Variants in PALLD observed in about 807,000 individuals in gnomAD.
PALLD encodes palladin, cytoskeletal associated protein.
Under a neutral mutation model 123.5 loss-of-function variants are expected in PALLD, and 61 were observed. The ratio of observed to expected loss-of-function variants is 0.49; its 90% confidence interval spans 0.40 to 0.61. The LOEUF (loss-of-function observed/expected upper bound fraction) is 0.61, where lower values mean the gene tolerates loss of function less well. Among genes scored for constraint, PALLD ranks in the 20% least tolerant of loss-of-function variants. PALLD has a pLI of 0.00. For missense variants in PALLD, 1,273 were observed against 1,377.0 expected (o/e 0.92, Z 1.20); for synonymous variants, 465 against 496.4 (o/e 0.94, Z 0.84).
intron 2 of PALLD, among the ~76,000 whole-genome samples, chr4:168,651,350 C>G (rs2149917243): frequency 6.6e-6 from 1 of 151,548 alleles, no homozygotes; most frequent in Non-Finnish European, 1.5e-5. Flanking sequence ...AAGGTTAGCT[C>G]TTTTTTTTTC....
chr4:168,557,295 C>G (rs1767419390), intron 2 of PALLD, among the ~76,000 whole-genome samples: 2 of 152,252 alleles, frequency 1.3e-5, no homozygotes, highest in African/African-American at 4.8e-5. Flanking sequence ...CTGCCCATCT[C>G]AGCCTCCCAA....
intron 10 of PALLD, among the ~76,000 whole-genome samples, chr4:168,724,424 A>G (rs1283828771): frequency 2.0e-5 from 3 of 152,228 alleles, no homozygotes; most frequent in African/African-American, 7.2e-5. Flanking sequence ...GGTTTCTATT[A>G]CAAGTATGAA....
chr4:168,783,609 A>G (rs1226469298), intron 10 of PALLD, among the ~76,000 whole-genome samples: 1 of 152,230 alleles, frequency 6.6e-6, no homozygotes, highest in African/African-American at 2.4e-5. Flanking sequence ...ACCTTCATCC[A>G]TAAGATACGG....
chr4:168,757,647 A>C (rs1312385166), intron 10 of PALLD, among the ~76,000 whole-genome samples: 2 of 152,254 alleles, frequency 1.3e-5, no homozygotes, highest in East Asian at 3.8e-4. Flanking sequence ...GGGCCACAAC[A>C]GTGAGGTATG....
intron 2 of PALLD, among the ~76,000 whole-genome samples, chr4:168,555,252 G>A (rs1307319355): frequency 1.3e-5 from 2 of 152,182 alleles, no homozygotes; most frequent in Non-Finnish European, 2.9e-5. Context: ...GCAGGTATCT[G>A]TCAAGGCTGA....
chr4:168,681,540 ATTTTTTTTTT>A, intron 4 of PALLD, 142 bp downstream of exon 4: 5 of 338,958 alleles, frequency 1.5e-5, no homozygotes, highest in East Asian at 1.3e-4. Context: ...TTGGAACACA[ATTTTTTTTTT>A]TTTTTTTTTT....
At chr4:168,847,562 T>C (rs181882630) in intron 10 of PALLD, among the ~76,000 whole-genome samples, 101 of 152,372 alleles carry the variant, frequency 6.6e-4, no homozygotes, top group Non-Finnish European at 1.1e-3. Context: ...AGCACCAAGA[T>C]TTTATTGGTG....
intron 10 of PALLD, among the ~76,000 whole-genome samples, chr4:168,882,959 G>A (rs140324950): frequency 0.017 from 2,642 of 152,152 alleles, 62 homozygotes; most frequent in African/African-American, 0.044. Context: ...GCATGGTGGT[G>A]TGCACCTGTA....
In PALLD at chr4:168,890,842, G is replaced by A. The variant is rs1045137468; in HGVS notation, c.1965-80G>A. 20 of 1,436,326 alleles carry A rather than the reference G, an allele frequency of 1.4e-5. No individual in the cohort carries two copies. In the African/African-American group the frequency reaches 2.7e-4, roughly 19 times the overall value. The allele number at this position is 1,436,326 out of a possible 1,614,324, so 89.0% of individuals were successfully genotyped here. On this transcript the variant is annotated intron_variant, in intron 10 of 21. Transcript: ENST00000505667. ...GAGTGACATGCTGATACCTTGCACTGTCTTTGTTGGACTTGAACGTTTGAC... is the reference window on the plus strand; with the variant it reads ...GAGTGACATGCTGATACCTTGCACTATCTTTGTTGGACTTGAACGTTTGAC...
Position 168,667,874 on chromosome 4 carries a change from T to A in PALLD, c.909-316T>A, listed in dbSNP as rs560505387. Among the ~76,000 whole-genome samples, 6 of 152,356 alleles carry A rather than the reference T, an allele frequency of 3.9e-5. No homozygotes were observed. In the South Asian group the frequency reaches 6.2e-4, roughly 16 times the overall value. ...AAAATTGTAATAAATGGAGGAGGTA[T>A]TTGTTATAAAGCATTTTATAAGACA... On this transcript the variant is annotated intron_variant, in intron 2 of 21. Coordinates refer to ENST00000505667, the MANE Select transcript of PALLD (RefSeq NM_001166108.2).
intron 2 of PALLD, among the ~76,000 whole-genome samples, chr4:168,641,815 C>G (rs1257534024): frequency 1.3e-5 from 2 of 152,158 alleles, no homozygotes; most frequent in Non-Finnish European, 2.9e-5. Context: ...ACAAACTGCT[C>G]TGAGGGAAAG....
intron 10 of PALLD, among the ~76,000 whole-genome samples, chr4:168,759,508 T>G (rs775877919): frequency 2.6e-5 from 4 of 151,862 alleles, no homozygotes; most frequent in Non-Finnish European, 4.4e-5. Flanking sequence ...TAACTCAATC[T>G]CTGTAGCATT....
At chr4:168,507,290 A>T (rs895810671) in intron 1 of PALLD, 5 of 175,846 alleles carry the variant, frequency 2.8e-5, no homozygotes, top group African/African-American at 1.2e-4. Flanking sequence ...CCTTTAATCA[A>T]TTACCAAGTT....
chr4:168,894,476 C>T (rs1262291103), intron 11 of PALLD, 103 bp from the exon 12 acceptor site: 2 of 761,970 alleles, frequency 2.6e-6, no homozygotes, highest in South Asian at 2.9e-5. Flanking sequence ...AGAACACTTA[C>T]AGAAAATCAT....
At chr4:168,864,425 G>A (rs1026665708) in intron 10 of PALLD, 2 of 152,144 alleles carry the variant, frequency 1.3e-5, no homozygotes, top group African/African-American at 4.8e-5. Flanking sequence ...TACTACTCTG[G>A]GCTCTGTTGG....
intron 10 of PALLD, among the ~76,000 whole-genome samples, chr4:168,749,141 C>T (rs983727073): frequency 3.3e-5 from 5 of 152,048 alleles, no homozygotes; most frequent in African/African-American, 1.2e-4. Context: ...CACTTCCCTG[C>T]CACTCTCTCT....
chr4:168,919,000 A>G (rs4596208), intron 17 of PALLD, among the ~76,000 whole-genome samples: 150,351 of 152,226 alleles, frequency 0.99, 74,254 homozygotes, highest in East Asian at 1. Context: ...TAAAATCTGG[A>G]ATTTATTTTT....
chr4:168,640,149 C>T (rs557036364), intron 2 of PALLD, among the ~76,000 whole-genome samples: 1 of 152,252 alleles, frequency 6.6e-6, no homozygotes, highest in African/African-American at 2.4e-5. Flanking sequence ...AAGCGATAGC[C>T]GGGCCTCACT....
intron 14 of PALLD, among the ~76,000 whole-genome samples, chr4:168,903,416 T>C (rs1474748079): frequency 6.6e-6 from 1 of 152,258 alleles, no homozygotes; most frequent in East Asian, 1.9e-4. Flanking sequence ...GGCCACTTCA[T>C]AGAAATAATG....
Sources: gnomAD v4.1 joint callset for allele counts (sites outside exome capture counted in the v4.1 genomes callset) on GRCh38, gnomAD v4.1.1 for gene constraint, MANE v1.5 for transcripts, NCBI Gene and HGNC (gene_info 2026-07-23, HGNC 2026-07-21) for gene names.